RIPOR2: variants seen among roughly 807,000 people sequenced by gnomAD.
RIPOR2 encodes the protein RHO family interacting cell polarization regulator 2.
In RIPOR2, 39 loss-of-function variants were observed where a neutral mutation model predicts 114.5. That is an observed-to-expected ratio of 0.34 (90% CI 0.26 to 0.44). RIPOR2 has a LOEUF of 0.44. Among genes scored for constraint, RIPOR2 ranks in the 20% least tolerant of loss-of-function variants. The probability of loss-of-function intolerance (pLI) is 1.00; values close to 1 mark genes in which losing one functional copy is unlikely to be tolerated. For missense variants in RIPOR2, 1,007 were observed against 1,255.1 expected, an observed-to-expected ratio of 0.80 and a Z score of 2.99; for synonymous variants, 445 against 484.4, an observed-to-expected ratio of 0.92 and a Z score of 1.07.
At chr6:24,986,578 G>A (rs1408007827) in intron 1 of RIPOR2, among the ~76,000 whole-genome samples, 1 of 152,136 alleles carries the variant, frequency 6.6e-6, no homozygotes, top group Non-Finnish European at 1.5e-5. Flanking sequence ...TTCACAACAG[G>A]AGAAGCATTC....
At chr6:25,003,079 C>A (rs1386344591) in intron 1 of RIPOR2, among the ~76,000 whole-genome samples, 3 of 152,140 alleles carry the variant, frequency 2.0e-5, no homozygotes, top group South Asian at 2.1e-4. Context: ...TTTTATAAAA[C>A]ATGTTTACGA....
intron 1 of RIPOR2, among the ~76,000 whole-genome samples, chr6:24,973,185 TA>T (rs1773869306): frequency 6.6e-6 from 1 of 152,214 alleles, no homozygotes; most frequent in Non-Finnish European, 1.5e-5. Context: ...AGGGAATGCT[TA>T]TACACTGTTG....
chr6:24,945,722 A>G (rs1772371539), intron 1 of RIPOR2, among the ~76,000 whole-genome samples: 1 of 152,190 alleles, frequency 6.6e-6, no homozygotes, highest in Admixed American at 6.5e-5. Context: ...GTAATCCCCA[A>G]GGCGATCACT....
At chr6:24,927,560 C>T (rs529961367) in intron 1 of RIPOR2, among the ~76,000 whole-genome samples, 2 of 151,502 alleles carry the variant, frequency 1.3e-5, no homozygotes, top group East Asian at 3.9e-4. Flanking sequence ...TTATCATCAT[C>T]ACCTTACCAC....
chr6:24,921,813 ATTCT>A (rs778436833), intron 1 of RIPOR2, among the ~76,000 whole-genome samples: 8 of 151,166 alleles, frequency 5.3e-5, no homozygotes, highest in South Asian at 4.2e-4. Context: ...TTCAATTGAT[ATTCT>A]TTCTTTCTTT....
intron 1 of RIPOR2, among the ~76,000 whole-genome samples, chr6:25,005,912 A>G (rs1775544445): frequency 6.6e-6 from 1 of 151,632 alleles, no homozygotes; most frequent in Non-Finnish European, 1.5e-5. Flanking sequence ...CAGATGATGA[A>G]AGCAATAGAA....
At chr6:24,898,769 C>T (rs984851562) in intron 1 of RIPOR2, among the ~76,000 whole-genome samples, 2 of 152,100 alleles carry the variant, frequency 1.3e-5, no homozygotes, top group African/African-American at 4.8e-5. Context: ...CTAGCAGGAA[C>T]TTAGGTGATA....
intron 1 of RIPOR2, among the ~76,000 whole-genome samples, chr6:24,991,486 A>G (rs1462142013): frequency 6.6e-6 from 1 of 152,216 alleles, no homozygotes; most frequent in Non-Finnish European, 1.5e-5. Context: ...AGGATTCAGA[A>G]TTCTGGAAAC....
intron 6 of RIPOR2, among the ~76,000 whole-genome samples, chr6:24,868,723 C>T (rs2747669): frequency 0.4 from 61,285 of 151,976 alleles, 13,009 homozygotes; most frequent in African/African-American, 0.55. Context: ...AAGAAGTTTA[C>T]GGGGCACCAA....
At chr6:24,911,072 G>T in intron 1 of RIPOR2, 1 of 713,074 alleles carries the variant, frequency 1.4e-6, no homozygotes, top group Non-Finnish European at 1.7e-6. Context: ...TGGCGGGCGC[G>T]AGGGTGGCGG....
intron 1 of RIPOR2, among the ~76,000 whole-genome samples, chr6:24,945,535 AAT>A (rs1218717147): frequency 1.3e-5 from 2 of 152,216 alleles, no homozygotes; most frequent in Non-Finnish European, 2.9e-5. Context: ...TGCGTAAAAC[AAT>A]AATTATACAT....
intron 8 of RIPOR2, among the ~76,000 whole-genome samples, chr6:24,855,870 C>T (rs568042950): frequency 2.0e-5 from 3 of 152,062 alleles, no homozygotes; most frequent in Non-Finnish European, 2.9e-5. Context: ...CCTATCTCTA[C>T]GAAAAATTTA....
chr6:24,963,240 C>A (rs1294493895), intron 1 of RIPOR2, among the ~76,000 whole-genome samples: 1 of 152,116 alleles, frequency 6.6e-6, no homozygotes, highest in Non-Finnish European at 1.5e-5. Flanking sequence ...ACCATGTTGG[C>A]CAGGCTGGTT....
At chr6:24,995,738 A>G (rs189172794) in intron 1 of RIPOR2, among the ~76,000 whole-genome samples, 12 of 152,306 alleles carry the variant, frequency 7.9e-5, no homozygotes, top group African/African-American at 1.7e-4. Context: ...ATCTGTATAA[A>G]TACAGATGTT....
chr6:24,966,664 A>T (rs1487144964), intron 1 of RIPOR2, among the ~76,000 whole-genome samples: 1 of 152,098 alleles, frequency 6.6e-6, no homozygotes, highest in Admixed American at 6.6e-5. Flanking sequence ...CCTTGTGTTT[A>T]TTTCTGTCTA....
rs549314785 is a variant in RIPOR2, at chr6:25,021,304, C to T, written c.76+20547G>A. On this transcript the variant is annotated intron_variant, in intron 1 of 13. Transcript: ENST00000510784. ...GTGACTATATGAAAAAAGGTATGAG[C>T]TTTGAGTGCTAGAGGCAGTGAGGAG... 8.2e-5 allele frequency among the ~76,000 whole-genome samples: 12 copies of T among 146,198 alleles called. No individual in the cohort carries two copies. The East Asian group carries it at 2.2e-3, about 27-fold the overall frequency.
At chr6:24,885,767 G>C (rs556198799) in intron 1 of RIPOR2, among the ~76,000 whole-genome samples, 62 of 152,238 alleles carry the variant, frequency 4.1e-4, no homozygotes, top group African/African-American at 1.4e-3. Flanking sequence ...GTATGTAGTA[G>C]GTGTTTAATA....
At chr6:24,913,376 A>G (rs1769821065) in intron 1 of RIPOR2, among the ~76,000 whole-genome samples, 1 of 152,166 alleles carries the variant, frequency 6.6e-6, no homozygotes. Flanking sequence ...CGTGTGGAGT[A>G]TGGAAGGTGA....
chr6:24,937,839 T>C (rs1322851046), upstream of RIPOR2, among the ~76,000 whole-genome samples: 1 of 152,128 alleles, frequency 6.6e-6, no homozygotes, highest in Non-Finnish European at 1.5e-5. Context: ...TTACCTCATG[T>C]CTGGACAACT....
Sources: gnomAD v4.1 joint callset for allele counts (sites outside exome capture counted in the v4.1 genomes callset) on GRCh38, gnomAD v4.1.1 for gene constraint, MANE v1.5 for transcripts, NCBI Gene and HGNC (gene_info 2026-07-23, HGNC 2026-07-21) for gene names.